Variants in MIA3 observed in about 807,000 individuals in gnomAD.
MIA3 encodes transport and Golgi organization protein 1 homolog.
A neutral mutation model predicts 192.4 loss-of-function variants in MIA3; 90 were observed. The observed-to-expected ratio is 0.47, with a 90% CI of 0.39 to 0.56. The LOEUF (loss-of-function observed/expected upper bound fraction) is 0.56, where lower values mean the gene tolerates loss of function less well. MIA3 is among the 20% of genes least tolerant of loss of function. MIA3 has a pLI of 0.00. For missense variants in MIA3, 2,123 were observed against 2,269.4 expected (o/e 0.94, Z 1.31); for synonymous variants, 740 against 792.8 (o/e 0.93, Z 1.12).
rs1664339912 is a variant in MIA3, at chr1:222,667,450, A to G, written c.*1831A>G. On this transcript the variant is annotated 3_prime_UTR_variant, in exon 28 of 28. Coordinates refer to ENST00000344922, the MANE Select transcript of MIA3 (RefSeq NM_198551.4). Reference sequence around the variant, plus strand: ...ATGTCATTTAAGTGTAGATTATGCCATCTAGGAAGGTAAGTAGGAAAGGTA... The same window carrying G: ...ATGTCATTTAAGTGTAGATTATGCCGTCTAGGAAGGTAAGTAGGAAAGGTA... 1 of 152,104 alleles carries G rather than the reference A, an allele frequency of 6.6e-6. No individual in the cohort carries two copies. Among genetic ancestry groups the G allele is most frequent in the Non-Finnish European group, 1.5e-5 (1 of 67,990 alleles). The allele number at this position is 152,104 out of a possible 1,614,324, so 9.4% of individuals were successfully genotyped here. A position where few individuals can be genotyped will look rare whatever the true frequency, so the allele number is the denominator to read the frequency against.
chr1:222,644,723 A>G (rs1435958944), intron 6 of MIA3: 8 of 963,346 alleles, frequency 8.3e-6, no homozygotes, highest in South Asian at 3.0e-5. Context: ...AGACGTTTCT[A>G]TGCTGTTTAG....
intron 26 of MIA3, among the ~76,000 whole-genome samples, chr1:222,663,289 C>T (rs1394703048): frequency 1.3e-5 from 2 of 152,010 alleles, no homozygotes; most frequent in African/African-American, 4.8e-5. Flanking sequence ...TGTTTTTATC[C>T]AAGAGCAGCT....
At position 222,628,924 on chromosome 1, in the gene MIA3, T is replaced by C; in HGVS notation, c.1704T>C (p.Asn568=). The C allele has an allele frequency of 9.3e-6, 15 of 1,614,116 alleles. No homozygotes were observed. The highest frequency in any genetic ancestry group is 1.1e-5 in the Non-Finnish European group (13 of 1,180,010). ...SAQKAAGNQM[N]DRKIQQESLG... Reference sequence around the variant, plus strand: ...AGAAAGCTGCAGGGAATCAAATGAATGACAGAAAGATTCAACAGGAATCCC... The same window carrying C: ...AGAAAGCTGCAGGGAATCAAATGAACGACAGAAAGATTCAACAGGAATCCC... The change falls in exon 4 of 28, where the codon AAT becomes AAC. Residue 568 remains asparagine, a synonymous_variant. Transcript: ENST00000344922.
chr1:222,663,656 G>A (rs553991066), intron 26 of MIA3, among the ~76,000 whole-genome samples: 6 of 152,274 alleles, frequency 3.9e-5, no homozygotes, highest in South Asian at 2.1e-4. Context: ...ACTCTGATAG[G>A]AGGGATGTGC....
chr1:222,641,152 T>C (rs2124876884), intron 6 of MIA3, among the ~76,000 whole-genome samples: 1 of 152,332 alleles, frequency 6.6e-6, no homozygotes, highest in East Asian at 1.9e-4. Context: ...AAAAACAGCT[T>C]GTCAGTTTCT....
At chr1:222,623,700 G>C (rs750967290) in intron 2 of MIA3, among the ~76,000 whole-genome samples, 1 of 152,150 alleles carries the variant, frequency 6.6e-6, no homozygotes, top group African/African-American at 2.4e-5. Flanking sequence ...TGATAAGATG[G>C]CCTTTTTTTC....
At chr1:222,651,689 A>C (rs766595425) in intron 11 of MIA3, among the ~76,000 whole-genome samples, 1 of 152,056 alleles carries the variant, frequency 6.6e-6, no homozygotes, top group Non-Finnish European at 1.5e-5. Context: ...TTTACTTAAA[A>C]GTTTTTTCAG....
At chr1:222,653,384 C>CT (rs1663545542) in intron 15 of MIA3, 45 bp downstream of exon 15, 1 of 1,256,480 alleles carries the variant, frequency 8.0e-7, no homozygotes, top group Non-Finnish European at 1.2e-6. Context: ...GCCTTCCTGT[C>CT]TTTAAGTGCA....
Position 222,654,787 on chromosome 1 carries a change from TG to T in MIA3, c.4602del (p.Leu1534PhefsTer5). On this transcript the variant is annotated frameshift_variant, in exon 18 of 28. Coordinates refer to ENST00000344922, the MANE Select transcript of MIA3 (RefSeq NM_198551.4). LOFTEE classifies it high-confidence loss of function. ...CTCTATCAGCAGAAGGAGATGGCTT[TG>T]CAAAAGTAAGATTATCATCATTTAC... ...NELYQQKEMA[L>X]QKKLSQEEYE... The T allele has an allele frequency of 6.2e-7, 1 of 1,613,514 alleles. No individual in the cohort carries two copies. The highest frequency in any genetic ancestry group is 8.5e-7 in the Non-Finnish European group (1 of 1,179,720).
intron 5 of MIA3, 82 bp downstream of exon 5, chr1:222,632,408 C>A: frequency 1.6e-6 from 2 of 1,225,434 alleles, no homozygotes; most frequent in Non-Finnish European, 2.3e-6. Flanking sequence ...AAGGCAGGAG[C>A]TAGAGACTTG....
In MIA3 at chr1:222,627,773, A is replaced by G. The variant is rs781730932; in HGVS notation, c.553A>G (p.Asn185Asp). 1.9e-6 allele frequency: 3 copies of G among 1,613,302 alleles called. No homozygotes were observed. Among genetic ancestry groups the G allele is most frequent in the Non-Finnish European group, 2.5e-6 (3 of 1,179,864 alleles). Reference protein sequence around the residue: ...REPEPEPVEANSEESDSVFSE... With the variant: ...REPEPEPVEADSEESDSVFSE... ...ACCTGAACCTGAACCAGTAGAAGCC[A>G]ACTCAGAGGAAAGTGATAGTGTATT... Residue 185 changes from asparagine (N) to aspartate (D), a missense_variant, in exon 4 of 28, where the codon AAC becomes GAC. By Grantham distance (23) the Asn-to-Asp change is conservative. Coordinates refer to ENST00000344922, the MANE Select transcript of MIA3 (RefSeq NM_198551.4).
chr1:222,618,256 G>C lies in MIA3; in HGVS notation c.133+13G>C, dbSNP rs1312388884. 6.4e-5 allele frequency: 91 copies of C among 1,430,916 alleles called. No individual in the cohort carries two copies. Among genetic ancestry groups the C allele is most frequent in the Non-Finnish European group, 8.3e-5 (90 of 1,079,980 alleles). 88.6% of individuals were successfully genotyped at this position (1,430,916 alleles called of 1,614,324 possible). ...GACGAATGCAGCAGTGAGTGCGCTGGAGGGGCGGCTGGCCTCGGGGCGGCT... is the reference window on the plus strand; with the variant it reads ...GACGAATGCAGCAGTGAGTGCGCTGCAGGGGCGGCTGGCCTCGGGGCGGCT... On this transcript the variant is annotated intron_variant, in intron 1 of 27. Transcript: ENST00000344922.
In MIA3 at chr1:222,633,199, GA is replaced by G; in HGVS notation, c.3431del (p.Asn1144ThrfsTer5). 6.2e-7 allele frequency: 1 copy of G among 1,613,902 alleles called. No homozygotes were observed. Among genetic ancestry groups the G allele is most frequent in the South Asian group, 1.1e-5 (1 of 91,018 alleles). On this transcript the variant is annotated frameshift_variant, in exon 6 of 28. Transcript: ENST00000344922. LOFTEE classifies it high-confidence loss of function. ...AGAGCCGGCAAGTGTCACACCTTTG[GA>G]AAACGCAATCCTTCTAATATATTCA... Reference protein sequence around the residue: ...AEEPASVTPLENAILLIYSFM... With the variant: ...AEEPASVTPLXNAILLIYSFM...
chr1:222,658,994 G>C, intron 19 of MIA3, 171 bp downstream of exon 19: 1 of 538,056 alleles, frequency 1.9e-6, no homozygotes, highest in South Asian at 2.4e-5. Flanking sequence ...AATACCCAGT[G>C]CTGGCAAAAC....
rs549470500 is a variant in MIA3 at position 222,663,473 on chromosome 1, C to T, written c.5263-525C>T. Among the ~76,000 whole-genome samples, 14 of 152,130 alleles carry T rather than the reference C, an allele frequency of 9.2e-5. No homozygotes were observed. In the East Asian group the frequency reaches 2.3e-3, roughly 25 times the overall value. On this transcript the variant is annotated intron_variant, in intron 26 of 27. Coordinates refer to ENST00000344922, the MANE Select transcript of MIA3 (RefSeq NM_198551.4). Reference sequence around the variant, plus strand: ...CCATCAGCAAATCTAATACTCTCTGCGCCTGTGTTCCTGCATATTTAGAAC... The same window carrying T: ...CCATCAGCAAATCTAATACTCTCTGTGCCTGTGTTCCTGCATATTTAGAAC...
At position 222,618,127 on chromosome 1, in the gene MIA3, G is replaced by T. The variant is rs1449169906; in HGVS notation, c.17G>T (p.Gly6Val). The change falls in exon 1 of 28, where the codon GGG (glycine) becomes GTG (valine). Residue 6 changes from glycine to valine, a missense_variant. Gly to Val is a moderately radical substitution (Grantham distance 109). Around this residue, in one of 3 missense-constraint regions of MIA3, gnomAD observed 1,357 missense variants for 1,396.1 expected, o/e 0.97. Transcript: ENST00000344922. ...GACCACAACATGGCTGCGGCGCCTG[G>T]GCTGCTCGTCTGGCTGCTCGTGCTC... MAAAP[G>V]LLVWLLVLRL... 1.3e-6 allele frequency: 2 copies of T among 1,502,054 alleles called. No individual in the cohort carries two copies. The highest frequency in any genetic ancestry group is 2.5e-5 in the South Asian group (2 of 81,346). The allele number at this position is 1,502,054 out of a possible 1,614,324, so 93.0% of individuals were successfully genotyped here.
Position 222,632,342 on chromosome 1 carries a change from T to G in MIA3, c.3331+16T>G. On this transcript the variant is annotated intron_variant, in intron 5 of 27. Coordinates refer to ENST00000344922, the MANE Select transcript of MIA3 (RefSeq NM_198551.4). ...CTGGACCCAGGTAAAGCCTGCTAAT[T>G]TTTTTCTACAAAGTGGAGAAATCAT... The G allele has an allele frequency of 6.2e-7, 1 of 1,604,806 alleles. No individual in the cohort carries two copies. The highest frequency in any genetic ancestry group is 8.5e-7 in the Non-Finnish European group (1 of 1,176,818).
intron 11 of MIA3, among the ~76,000 whole-genome samples, chr1:222,651,648 G>GA (rs11418078): frequency 0.57 from 84,927 of 148,620 alleles, 27,146 homozygotes; most frequent in Non-Finnish European, 0.72. Context: ...CTTGCCACAA[G>GA]AAAAAAAAAA....
At chr1:222,637,008 G>C (rs1240790392) in intron 6 of MIA3, among the ~76,000 whole-genome samples, 3 of 152,080 alleles carry the variant, frequency 2.0e-5, no homozygotes, top group Non-Finnish European at 4.4e-5. Flanking sequence ...TTTCTCTCAG[G>C]GGTCACAATT....
Sources: gnomAD v4.1 joint callset for allele counts (sites outside exome capture counted in the v4.1 genomes callset) on GRCh38, gnomAD v4.1.1 for gene constraint, gnomAD v4.1.1 regional missense constraint, MANE v1.5 for transcripts, NCBI Gene and HGNC (gene_info 2026-07-23, HGNC 2026-07-21) for gene names.